LRP2: variants seen among roughly 807,000 people sequenced by gnomAD.
LRP2 encodes LDL receptor related protein 2.
A neutral mutation model predicts 531.0 loss-of-function variants in LRP2; 172 were observed. That is an observed-to-expected ratio of 0.32 (90% CI 0.29 to 0.37). The LOEUF (loss-of-function observed/expected upper bound fraction) is 0.37. LRP2 is among the 10% of genes least tolerant of loss of function. The probability of loss-of-function intolerance (pLI) is 1.00; values close to 1 mark genes in which losing one functional copy is unlikely to be tolerated. For synonymous variants in LRP2, 1,992 were observed against 2,027.6 expected, an observed-to-expected ratio of 0.98 and a Z score of 0.47; for missense variants, 5,167 against 5,868.3, an observed-to-expected ratio of 0.88 and a Z score of 3.90.
intron 50 of LRP2, among the ~76,000 whole-genome samples, chr2:169,183,780 A>G (rs761799704): frequency 2.0e-5 from 3 of 152,238 alleles, no homozygotes; most frequent in Non-Finnish European, 4.4e-5. Context: ...TTAAAAAGTT[A>G]TATCAAATGC....
At chr2:169,319,603 G>A (rs1312072557) in intron 2 of LRP2, among the ~76,000 whole-genome samples, 1 of 151,986 alleles carries the variant, frequency 6.6e-6, no homozygotes, top group Non-Finnish European at 1.5e-5. Flanking sequence ...TTGCCTTTTT[G>A]CTTTTATTGT....
At chr2:169,192,570 T>C (rs1043095108) in intron 47 of LRP2, among the ~76,000 whole-genome samples, 3 of 152,118 alleles carry the variant, frequency 2.0e-5, no homozygotes, top group African/African-American at 7.2e-5. Flanking sequence ...AACTACATTA[T>C]AGCTACCACC....
At chr2:169,143,382 C>A (rs1685795491) in intron 70 of LRP2, among the ~76,000 whole-genome samples, 2 of 152,192 alleles carry the variant, frequency 1.3e-5, no homozygotes, top group Non-Finnish European at 2.9e-5. Flanking sequence ...GTGGCTCACA[C>A]CTGTAATCCC....
chr2:169,131,169 T>A (rs1399075710), intron 77 of LRP2, among the ~76,000 whole-genome samples: 4 of 152,186 alleles, frequency 2.6e-5, no homozygotes, highest in Non-Finnish European at 4.4e-5. Flanking sequence ...TAATATAGCT[T>A]AAAGAAAAAA....
intron 1 of LRP2, among the ~76,000 whole-genome samples, chr2:169,333,846 G>A (rs1419634737): frequency 6.6e-6 from 1 of 152,150 alleles, no homozygotes; most frequent in Non-Finnish European, 1.5e-5. Context: ...GGTTTGTTAT[G>A]CCTGGGCTCA....
chr2:169,275,437 G>A lies in LRP2; in HGVS notation c.1773-199C>T, dbSNP rs573369822. 74 of 570,866 alleles carry A rather than the reference G, an allele frequency of 1.3e-4. 3 individuals carry two copies. In the South Asian group the frequency reaches 1.4e-3, roughly 11 times the overall value. The allele number at this position is 570,866 out of a possible 1,614,324, so 35.4% of individuals were successfully genotyped here. ...AGAAGGATTTTCATGTTGTCTCTTGGAAAAGACCCTTGAGACTTACATTCC... is the reference window on the plus strand; with the variant it reads ...AGAAGGATTTTCATGTTGTCTCTTGAAAAAGACCCTTGAGACTTACATTCC... On this transcript the variant is annotated intron_variant, in intron 13 of 78. Transcript: ENST00000649046.
At chr2:169,337,750 A>T (rs886868466) in intron 1 of LRP2, among the ~76,000 whole-genome samples, 3 of 152,232 alleles carry the variant, frequency 2.0e-5, no homozygotes, top group African/African-American at 7.2e-5. Flanking sequence ...ATGTGTATGC[A>T]TGCATGTACA....
At position 169,137,406 on chromosome 2, in the gene LRP2, C is replaced by G. The variant is rs1227279392; in HGVS notation, c.13606G>C (p.Val4536Leu). The G allele has an allele frequency of 6.2e-7, 1 of 1,613,230 alleles. No homozygotes were observed. ...TGGTTTCTCACCTGGATTGGCTGAACCACTTTGACAGCACTGTCTCTGGCT... is the reference window on the plus strand; with the variant it reads ...TGGTTTCTCACCTGGATTGGCTGAAGCACTTTGACAGCACTGTCTCTGGCT... ...YSARDSAVKV[V>L]QPIQVTVSEN... Residue 4536 changes from valine (V) to leucine (L), a missense_variant, in exon 76 of 79, where the codon GTT becomes CTT. By Grantham distance (32) the Val-to-Leu change is conservative. This residue lies in a region of LRP2 where 348 missense variants were observed against 369.3 expected (regional missense o/e 0.94). Transcript: ENST00000649046.
intron 36 of LRP2, among the ~76,000 whole-genome samples, chr2:169,212,527 A>G (rs1688630303): frequency 6.6e-6 from 1 of 152,182 alleles, no homozygotes; most frequent in South Asian, 2.1e-4. Flanking sequence ...GGCACTTAAA[A>G]TAATATGTTC....
intron 17 of LRP2, among the ~76,000 whole-genome samples, chr2:169,258,721 A>C (rs748770111): frequency 6.6e-6 from 1 of 151,976 alleles, no homozygotes; most frequent in South Asian, 2.1e-4. Context: ...TTGCCTATTC[A>C]CTCCTTTTCT....
chr2:169,197,041 G>GA lies in LRP2; in HGVS notation c.8579-12dup. The GA allele has an allele frequency of 6.2e-7, 1 of 1,613,186 alleles. No homozygotes were observed. The highest frequency in any genetic ancestry group is 1.1e-5 in the South Asian group (1 of 91,052). ...TGCACGTGTGAGTGGCTGCAGGAGGGAAAGAAGATAAAACCCATGAGCAAA... is the reference window on the plus strand; with the variant it reads ...TGCACGTGTGAGTGGCTGCAGGAGGGAAAAGAAGATAAAACCCATGAGCAAA... On this transcript the variant is annotated splice_polypyrimidine_tract_variant and intron_variant, in intron 45 of 78. Transcript: ENST00000649046.
chr2:169,280,003 A>G (rs1467915702), intron 11 of LRP2, among the ~76,000 whole-genome samples: 1 of 152,246 alleles, frequency 6.6e-6, no homozygotes, highest in East Asian at 1.9e-4. Context: ...TTTATCATCC[A>G]GAAAAGCAGT....
rs769774442 is a variant in LRP2, at chr2:169,225,309, C to A, written c.5538+1G>T. On this transcript the variant is annotated splice_donor_variant, in intron 33 of 78. Transcript: ENST00000649046. LOFTEE classifies it high-confidence loss of function. ...TGTAAGTAGTATTATGGAATCATTA[C>A]CTCGATTGACTGAGTTCTAGGATTG... The A allele has an allele frequency of 6.2e-7, 1 of 1,613,588 alleles. No individual in the cohort carries two copies. The highest frequency in any genetic ancestry group is 8.5e-7 in the Non-Finnish European group (1 of 1,179,674).
At chr2:169,159,479 A>G (rs1402822557) in intron 63 of LRP2, among the ~76,000 whole-genome samples, 4 of 152,204 alleles carry the variant, frequency 2.6e-5, no homozygotes, top group Non-Finnish European at 5.9e-5. Flanking sequence ...TCAAAGCTGT[A>G]TGCATGAAAG....
intron 7 of LRP2, among the ~76,000 whole-genome samples, 160 bp from the exon 8 acceptor site, chr2:169,291,157 T>A (rs780983794): frequency 6.6e-5 from 10 of 152,196 alleles, no homozygotes; most frequent in Non-Finnish European, 1.3e-4. Context: ...CTACCACTAG[T>A]CTTTTACTGA....
At position 169,154,533 on chromosome 2, in the gene LRP2, GA is replaced by G; in HGVS notation, c.12221del (p.Phe4074SerfsTer23). 6.2e-7 allele frequency: 1 copy of G among 1,611,552 alleles called. No individual in the cohort carries two copies. Among genetic ancestry groups the G allele is most frequent in the Non-Finnish European group, 8.5e-7 (1 of 1,177,778 alleles). ...ATTCCTCATCTTGAAGATACTCTGAGAACCTCTCAGATGAGAGATTATATTT... is the reference window on the plus strand; with the variant it reads ...ATTCCTCATCTTGAAGATACTCTGAGACCTCTCAGATGAGAGATTATATTT... ...IRKYNLSSERFSEYLQDEEYI... is the reference protein window; with the variant it reads ...IRKYNLSSERXSEYLQDEEYI... On this transcript the variant is annotated frameshift_variant, in exon 66 of 79. Transcript: ENST00000649046. LOFTEE classifies it high-confidence loss of function.
chr2:169,184,957 C>T (rs564080015), intron 50 of LRP2, among the ~76,000 whole-genome samples: 4 of 152,182 alleles, frequency 2.6e-5, no homozygotes, highest in South Asian at 2.1e-4. Context: ...AGACAGATTT[C>T]GCCATGTTGC....
At position 169,259,747 on chromosome 2, in the gene LRP2, A is replaced by AC. The variant is rs200334011; in HGVS notation, c.2321-531_2321-530insG. Among the ~76,000 whole-genome samples, 36 of 6,180 alleles carry AC rather than the reference A, an allele frequency of 5.8e-3. No individual in the cohort carries two copies. In the East Asian group the frequency reaches 0.15, roughly 25 times the overall value. The allele number at this position is 6,180 out of a possible 152,430, so 4.1% of individuals were successfully genotyped here. A position where few individuals can be genotyped will look rare whatever the true frequency, so the allele number is the denominator to read the frequency against. ...GAACTGATTAAAAACAACAACAACAAAAAAAAAAAAACGCTTTCCTCTTTA... is the reference window on the plus strand; with the variant it reads ...GAACTGATTAAAAACAACAACAACAACAAAAAAAAAAACGCTTTCCTCTTTA... On this transcript the variant is annotated intron_variant, in intron 16 of 78. Coordinates refer to ENST00000649046, the MANE Select transcript of LRP2 (RefSeq NM_004525.3).
intron 1 of LRP2, among the ~76,000 whole-genome samples, chr2:169,323,505 T>C (rs1193022433): frequency 6.6e-6 from 1 of 152,186 alleles, no homozygotes; most frequent in African/African-American, 2.4e-5. Context: ...AGGTGCCCCT[T>C]ACTTCAATTA....
Sources: gnomAD v4.1 joint callset for allele counts (sites outside exome capture counted in the v4.1 genomes callset) on GRCh38, gnomAD v4.1.1 for gene constraint, gnomAD v4.1.1 regional missense constraint, MANE v1.5 for transcripts, NCBI Gene and HGNC (gene_info 2026-07-23, HGNC 2026-07-21) for gene names.